The following CCDC77 variants were observed in gnomAD, a reference collection of about 807,000 sequenced individuals.
CCDC77 encodes coiled-coil domain-containing protein 77.
A neutral mutation model predicts 66.8 loss-of-function variants in CCDC77; 56 were observed. The observed-to-expected ratio is 0.84, with a 90% confidence interval of 0.68 to 1.05. The LOEUF is 1.05. CCDC77 is among the 50% of genes least tolerant of loss of function. The pLI, the probability that CCDC77 is intolerant of heterozygous loss-of-function variation, is 0.00. For missense variants in CCDC77, 570 were observed against 576.8 expected (o/e 0.99, Z 0.12); for synonymous variants, 196 against 195.2 (o/e 1.00, Z -0.03).
rs1355968415 is a variant in CCDC77, at chr12:433,170, C to T, written c.673-4C>T. 2 of 1,611,346 alleles carry T rather than the reference C, an allele frequency of 1.2e-6. No homozygotes were observed. The highest frequency in any genetic ancestry group is 1.7e-6 in the Non-Finnish European group (2 of 1,178,868). On this transcript the variant is annotated splice_polypyrimidine_tract_variant and splice_region_variant and intron_variant, in intron 8 of 12. Coordinates refer to ENST00000239830, the MANE Select transcript of CCDC77 (RefSeq NM_032358.4). Reference sequence around the variant, plus strand: ...GATTCCTCACCCCTTTTTGGCCTGTCTAGGTGGAAGCACTGCAGGCTCAGC... The same window carrying T: ...GATTCCTCACCCCTTTTTGGCCTGTTTAGGTGGAAGCACTGCAGGCTCAGC...
intron 9 of CCDC77, among the ~76,000 whole-genome samples, chr12:435,167 A>G (rs1945727431): frequency 7.0e-6 from 1 of 142,814 alleles, no homozygotes; most frequent in African/African-American, 2.6e-5. Flanking sequence ...TTCCATTTCC[A>G]AATGCTCCCA....
intron 2 of CCDC77, among the ~76,000 whole-genome samples, chr12:408,012 C>T (rs188423991): frequency 2.8e-4 from 42 of 152,188 alleles, no homozygotes; most frequent in Non-Finnish European, 5.6e-4. Flanking sequence ...TGGTCTCAAT[C>T]TCCTGACCTT....
chr12:438,320 T>C lies in CCDC77; in HGVS notation c.822-15T>C. On this transcript the variant is annotated splice_polypyrimidine_tract_variant and intron_variant, in intron 9 of 12. Transcript: ENST00000239830. ...GTGCGCATCCTCATGTCTGCATTTA[T>C]ACTTTCTTTCCTAGTCTTCACCACA... 3 of 1,578,950 alleles carry C rather than the reference T, an allele frequency of 1.9e-6. No individual in the cohort carries two copies. Among genetic ancestry groups the C allele is most frequent in the African/African-American group, 1.4e-5 (1 of 73,942 alleles).
At chr12:417,726 C>T (rs1467918306) in intron 4 of CCDC77, among the ~76,000 whole-genome samples, 1 of 151,980 alleles carries the variant, frequency 6.6e-6, no homozygotes, top group Non-Finnish European at 1.5e-5. Flanking sequence ...CCAGCCTGGC[C>T]AAAATGGTGA....
In CCDC77 at chr12:418,681, A is replaced by ACATTCATT. The variant is rs113437345; in HGVS notation, c.413+70_413+77dup. ...AAATGTTGGAGTTTAACTTTAAATT[A>ACATTCATT]CATTCATTCATTCATTCATTCATTC... is the stretch of plus-strand genomic sequence containing the variant. On this transcript the variant is annotated intron_variant, in intron 5 of 12. Transcript: ENST00000239830. 2.4e-3 allele frequency: 3,723 copies of ACATTCATT among 1,544,230 alleles called. 95 individuals carry two copies. The East Asian group carries it at 0.066, about 27-fold the overall frequency.
intron 2 of CCDC77, among the ~76,000 whole-genome samples, chr12:407,199 G>A (rs1013447090): frequency 1.3e-5 from 2 of 152,178 alleles, no homozygotes; most frequent in African/African-American, 4.8e-5. Flanking sequence ...TAGGTGATAA[G>A]TAGTTGTCAG....
chr12:428,256 T>G (rs1945571824), intron 5 of CCDC77, among the ~76,000 whole-genome samples: 1 of 152,066 alleles, frequency 6.6e-6, no homozygotes, highest in African/African-American at 2.4e-5. Context: ...CTCCCGCCTG[T>G]AATCCCAGCA....
At chr12:389,741 C>A (rs1306351043) in intron 1 of CCDC77, among the ~76,000 whole-genome samples, 2 of 152,228 alleles carry the variant, frequency 1.3e-5, no homozygotes, top group Non-Finnish European at 2.9e-5. Context: ...CCGCGCCTCA[C>A]CGCCCGTGCT....
upstream of CCDC77, among the ~76,000 whole-genome samples, chr12:400,676 C>A (rs1349523084): frequency 1.3e-5 from 2 of 152,172 alleles, no homozygotes; most frequent in Non-Finnish European, 2.9e-5. Context: ...CTTATATGGG[C>A]ATGGTTCATG....
chr12:399,048 A>C (rs150147561), upstream of CCDC77, among the ~76,000 whole-genome samples: 27 of 152,246 alleles, frequency 1.8e-4, no homozygotes, highest in East Asian at 5.0e-3. Context: ...CATCTCACCA[A>C]GCCAAGTCAC....
rs200789083 is a variant in CCDC77, at chr12:431,209, GTTC to G, written c.583+476_583+478del. On this transcript the variant is annotated intron_variant, in intron 7 of 12. Coordinates refer to ENST00000239830, the MANE Select transcript of CCDC77 (RefSeq NM_032358.4). Reference sequence around the variant, plus strand: ...CATCCAAGGAATTAAATTTTGCTCAGTTCTTTTTTTTTTTTTTTTTTCTTTTGA... The same window carrying G: ...CATCCAAGGAATTAAATTTTGCTCAGTTTTTTTTTTTTTTTTTTCTTTTGA... 5.0e-3 allele frequency among the ~76,000 whole-genome samples: 357 copies of G among 71,266 alleles called. 5 individuals carry two copies. The highest frequency in any genetic ancestry group is 0.019 in the Middle Eastern group (3 of 158). 46.8% of individuals were successfully genotyped at this position (71,266 alleles called of 152,430 possible).
chr12:440,529 CT>C, intron 10 of CCDC77, 87 bp from the exon 11 acceptor site: 1 of 1,482,308 alleles, frequency 6.7e-7, no homozygotes, highest in Non-Finnish European at 9.2e-7. Flanking sequence ...GAAATCCCTT[CT>C]TTTCTTTCTT....
chr12:433,383 T>A, intron 9 of CCDC77, 61 bp downstream of exon 9: 10 of 1,586,456 alleles, frequency 6.3e-6, no homozygotes, highest in Non-Finnish European at 8.6e-6. Flanking sequence ...ACTTAAAAGT[T>A]AACATTTTGT....
rs1047545809 is a variant in CCDC77, at chr12:442,090, T to A, written c.*170T>A. On this transcript the variant is annotated 3_prime_UTR_variant, in exon 13 of 13. Coordinates refer to ENST00000239830, the MANE Select transcript of CCDC77 (RefSeq NM_032358.4). ...GACCACTAGGAAAGCTTTTCTTGCA[T>A]ACTCAGCTTGCTTTATCATTTTTGC... 2.3e-4 allele frequency: 160 copies of A among 685,088 alleles called. No homozygotes were observed. The highest frequency in any genetic ancestry group is 3.7e-4 in the Non-Finnish European group (150 of 405,356). 42.4% of individuals were successfully genotyped at this position (685,088 alleles called of 1,614,324 possible).
chr12:408,343 C>T (rs1188800780), intron 2 of CCDC77, among the ~76,000 whole-genome samples: 1 of 152,176 alleles, frequency 6.6e-6, no homozygotes, highest in African/African-American at 2.4e-5. Context: ...AGTACAGGAG[C>T]TCAAGATCTT....
At chr12:392,746 CAA>C (rs753652065) in intron 1 of CCDC77, among the ~76,000 whole-genome samples, 2 of 143,406 alleles carry the variant, frequency 1.4e-5, no homozygotes, top group African/African-American at 2.5e-5. Flanking sequence ...CTCTGTCTCA[CAA>C]AAAAAAAAAT....
At chr12:389,695 G>A (rs1944718691) in intron 1 of CCDC77, among the ~76,000 whole-genome samples, 2 of 152,000 alleles carry the variant, frequency 1.3e-5, no homozygotes, top group Non-Finnish European at 2.9e-5. Context: ...TTGTGTATCA[G>A]TGCACTCGAA....
intron 1 of CCDC77, among the ~76,000 whole-genome samples, chr12:394,468 G>A (rs1944800797): frequency 6.6e-6 from 1 of 152,144 alleles, no homozygotes; most frequent in African/African-American, 2.4e-5. Flanking sequence ...TCATGCTGAG[G>A]GACCAGCGTT....
chr12:412,662 G>A (rs1420595894), intron 4 of CCDC77, among the ~76,000 whole-genome samples: 1 of 152,332 alleles, frequency 6.6e-6, no homozygotes, highest in Non-Finnish European at 1.5e-5. Flanking sequence ...TGGATGTGCA[G>A]AGTCACTCCT....
Sources: allele counts gnomAD v4.1 joint callset (sites outside exome capture counted in the v4.1 genomes callset), GRCh38; gene constraint gnomAD v4.1.1; transcripts MANE v1.5; gene names NCBI Gene and HGNC (gene_info 2026-07-23, HGNC 2026-07-21).